RBFOX3: variants seen among roughly 807,000 people sequenced by gnomAD.
The protein encoded by RBFOX3 is RNA binding fox-1 homolog 3.
Under a neutral mutation model 48.7 loss-of-function variants are expected in RBFOX3, and 17 were observed. The observed-to-expected ratio is 0.35, with a 90% CI of 0.24 to 0.52. The LOEUF (loss-of-function observed/expected upper bound fraction) is 0.52, where lower values mean the gene tolerates loss of function less well. Ranked by LOEUF, RBFOX3 falls within the 20% of genes least tolerant of loss-of-function variation. The pLI is 0.94. For synonymous variants in RBFOX3, 212 were observed against 209.5 expected, an observed-to-expected ratio of 1.01 and a Z score of -0.10; for missense variants, 382 against 497.5, an observed-to-expected ratio of 0.77 and a Z score of 2.21.
chr17:79,211,318 C>A (rs1009864982), intron 4 of RBFOX3, among the ~76,000 whole-genome samples: 4 of 152,232 alleles, frequency 2.6e-5, no homozygotes, highest in Non-Finnish European at 5.9e-5. Flanking sequence ...ACCCTGCCAA[C>A]GCCAGCCTCC....
At chr17:79,095,411 A>T in intron 13 of RBFOX3, 102 bp downstream of exon 13, 1 of 1,042,588 alleles carries the variant, frequency 9.6e-7, no homozygotes, top group Non-Finnish European at 1.4e-6. Flanking sequence ...CAGGCCTGGA[A>T]GAGTGGGTTA....
At chr17:79,568,627 C>G (rs971230510) in intron 1 of RBFOX3, among the ~76,000 whole-genome samples, 1 of 152,204 alleles carries the variant, frequency 6.6e-6, no homozygotes. Flanking sequence ...GGGGGCCACC[C>G]ACCCACAGCA....
At chr17:79,657,976 C>A in the RBFOX3 span, among the ~76,000 whole-genome samples, 1 of 152,242 alleles carries the variant, frequency 6.6e-6, no homozygotes, top group African/African-American at 2.4e-5. Flanking sequence ...GACGAAACGA[C>A]CCCAGGCTCA....
intron 2 of RBFOX3, among the ~76,000 whole-genome samples, chr17:79,356,348 G>GTTTTTTTTTTTTTTTTTTTTTTTTT (rs58040659): frequency 4.2e-5 from 2 of 47,270 alleles, no homozygotes; most frequent in African/African-American, 8.0e-5. Context: ...AAACAGGGAA[G>GTTTTTTTTTTTTTTTTTTTTTTTTT]TTTTTTTTTT....
At chr17:79,274,144 T>TCTGGGCACTGGTACCACCTGC (rs34442408) in intron 3 of RBFOX3, among the ~76,000 whole-genome samples, 2 of 152,054 alleles carry the variant, frequency 1.3e-5, no homozygotes, top group African/African-American at 4.8e-5. Flanking sequence ...TGTCCACCTG[T>TCTGGGCACTGGTACCACCTGC]CTGGGCACTG....
At chr17:79,642,438 A>G in the RBFOX3 span, among the ~76,000 whole-genome samples, 4 of 152,234 alleles carry the variant, frequency 2.6e-5, no homozygotes, top group East Asian at 3.9e-4. Flanking sequence ...TTCACAATGT[A>G]TATATATATA....
chr17:79,400,061 G>T (rs1029782790), intron 2 of RBFOX3, among the ~76,000 whole-genome samples: 1 of 152,148 alleles, frequency 6.6e-6, no homozygotes, highest in African/African-American at 2.4e-5. Flanking sequence ...TTCCAACACT[G>T]CCCCTGGGAT....
At chr17:79,319,374 G>A (rs556735635) in intron 2 of RBFOX3, among the ~76,000 whole-genome samples, 4 of 152,378 alleles carry the variant, frequency 2.6e-5, no homozygotes, top group Admixed American at 2.0e-4. Context: ...GCTCCTGCAA[G>A]TGCGGAGATG....
At chr17:79,579,613 G>A (rs1429084227) in intron 1 of RBFOX3, among the ~76,000 whole-genome samples, 2 of 152,082 alleles carry the variant, frequency 1.3e-5, no homozygotes, top group African/African-American at 4.8e-5. Context: ...GAGCTGGAGA[G>A]GACAGGCTGG....
At chr17:79,125,176 C>G (rs753058034) in intron 4 of RBFOX3, among the ~76,000 whole-genome samples, 35 of 152,188 alleles carry the variant, frequency 2.3e-4, no homozygotes, top group Admixed American at 5.9e-4. Flanking sequence ...CGAGGGCTTC[C>G]CTAGCCCAGG....
chr17:79,544,051 C>G (rs565666059), intron 1 of RBFOX3, among the ~76,000 whole-genome samples: 4 of 152,344 alleles, frequency 2.6e-5, no homozygotes, highest in African/African-American at 9.6e-5. Flanking sequence ...TTGAGAGCTC[C>G]TTTCCCCTGT....
intron 2 of RBFOX3, among the ~76,000 whole-genome samples, chr17:79,369,287 C>T (rs1379708262): frequency 6.6e-6 from 1 of 152,170 alleles, no homozygotes; most frequent in African/African-American, 2.4e-5. Context: ...CACATCTGTA[C>T]CCAAAGGCAC....
chr17:79,114,158 G>GT (rs2033097670), intron 5 of RBFOX3, among the ~76,000 whole-genome samples: 1 of 152,202 alleles, frequency 6.6e-6, no homozygotes, highest in Non-Finnish European at 1.5e-5. Context: ...AGCGTGACTT[G>GT]TTTATGGTGA....
intron 3 of RBFOX3, among the ~76,000 whole-genome samples, chr17:79,298,048 T>C (rs955077177): frequency 2.0e-5 from 3 of 152,192 alleles, no homozygotes; most frequent in African/African-American, 4.8e-5. Flanking sequence ...TTGGACTCAG[T>C]AGCATCTTAG....
At chr17:79,630,483 C>T in the RBFOX3 span, among the ~76,000 whole-genome samples, 219 of 152,210 alleles carry the variant, frequency 1.4e-3, 1 homozygote, top group Non-Finnish European at 1.7e-3. Context: ...GTTGCTTGAT[C>T]CTGCCTCTTG....
At chr17:79,123,868 A>G (rs2036445663) in intron 4 of RBFOX3, among the ~76,000 whole-genome samples, 1 of 152,168 alleles carries the variant, frequency 6.6e-6, no homozygotes, top group African/African-American at 2.4e-5. Flanking sequence ...CTCTGTGTCC[A>G]CTGCCTCGCG....
At chr17:79,266,676 G>A (rs1279345371) in intron 3 of RBFOX3, among the ~76,000 whole-genome samples, 3 of 152,082 alleles carry the variant, frequency 2.0e-5, no homozygotes, top group Non-Finnish European at 4.4e-5. Flanking sequence ...GTGATTAGAG[G>A]GCTGGGACTT....
chr17:79,331,050 C>T (rs1165305955), intron 2 of RBFOX3, among the ~76,000 whole-genome samples: 1 of 152,212 alleles, frequency 6.6e-6, no homozygotes, highest in Non-Finnish European at 1.5e-5. Flanking sequence ...ATATCTGCAG[C>T]CCCCAGGCTC....
chr17:79,595,948 G>A (rs978943804), intron 1 of RBFOX3, among the ~76,000 whole-genome samples: 7 of 152,316 alleles, frequency 4.6e-5, no homozygotes, highest in Non-Finnish European at 1.0e-4. Context: ...CCCTGTGGAC[G>A]GGGTACATTA....
Sources: gnomAD v4.1 joint callset for allele counts (sites outside exome capture counted in the v4.1 genomes callset) on GRCh38, gnomAD v4.1.1 for gene constraint, MANE v1.5 for transcripts, NCBI Gene and HGNC (gene_info 2026-07-23, HGNC 2026-07-21) for gene names.